Variants in DHRS4L2 observed in about 807,000 individuals in gnomAD.
DHRS4L2 encodes dehydrogenase/reductase 4 like 2, also known as dehydrogenase/reductase SDR family member 4-like 2.
A neutral mutation model predicts 23.9 loss-of-function variants in DHRS4L2; 22 were observed. The ratio of observed to expected loss-of-function variants is 0.92; its 90% CI spans 0.66 to 1.31. DHRS4L2 has a LOEUF of 1.31. DHRS4L2 is among the 40% of genes most tolerant of loss of function. The probability of loss-of-function intolerance (pLI) is 0.00; values close to 1 mark genes in which losing one functional copy is unlikely to be tolerated. For missense variants in DHRS4L2, 385 were observed against 303.3 expected (o/e 1.27, Z -2.00); for synonymous variants, 141 against 123.7 (o/e 1.14, Z -0.93).
At chr14:23,988,762 G>T (rs946189431), upstream of DHRS4L2, 3 of 1,395,104 alleles carry the variant, frequency 2.2e-6, no homozygotes, top group Middle Eastern at 2.3e-4. Context: ...TCAGGCGGAA[G>T]GTAGCTGGCT....
chr14:24,000,382 C>T (rs1429386683), intron 3 of DHRS4L2, among the ~76,000 whole-genome samples: 1 of 150,510 alleles, frequency 6.6e-6, no homozygotes, highest in Admixed American at 6.6e-5. Flanking sequence ...CCTAGCCAGA[C>T]AGTCCTTCCT....
chr14:23,997,593 A>G (rs548070281), intron 3 of DHRS4L2, among the ~76,000 whole-genome samples: 2 of 146,458 alleles, frequency 1.4e-5, no homozygotes, highest in East Asian at 4.0e-4. Context: ...CATCTTCACC[A>G]GAAATAGATT....
intron 2 of DHRS4L2, among the ~76,000 whole-genome samples, chr14:23,993,803 G>A (rs1238621040): frequency 6.6e-6 from 1 of 151,606 alleles, no homozygotes; most frequent in African/African-American, 2.4e-5. Context: ...TTAAATTCAG[G>A]CTGGTATCTT....
chr14:23,999,516 C>T (rs2034449298), intron 3 of DHRS4L2, among the ~76,000 whole-genome samples: 1 of 148,732 alleles, frequency 6.7e-6, no homozygotes, highest in African/African-American at 2.5e-5. Context: ...CACACACACA[C>T]ATTTGGGGGA....
At chr14:23,987,937 G>T (rs1039181404), upstream of DHRS4L2, among the ~76,000 whole-genome samples, 3 of 151,514 alleles carry the variant, frequency 2.0e-5, no homozygotes, top group Non-Finnish European at 2.9e-5. Context: ...CCAGGAGGGA[G>T]ATCATTTCAG....
intron 6 of DHRS4L2, 28 bp downstream of exon 6, chr14:24,001,545 T>C: frequency 3.8e-6 from 6 of 1,598,102 alleles, no homozygotes; most frequent in Non-Finnish European, 5.1e-6. Flanking sequence ...TGCATTTGAC[T>C]GGGACCCCTT....
upstream of DHRS4L2, among the ~76,000 whole-genome samples, chr14:23,986,357 G>A (rs895446489): frequency 7.9e-5 from 12 of 151,454 alleles, 1 homozygote; most frequent in South Asian, 2.1e-4. Context: ...GGGGCCTGTC[G>A]TGGGGTGCAG....
intron 1 of DHRS4L2, among the ~76,000 whole-genome samples, chr14:23,971,804 G>A (rs7146519): frequency 0.021 from 3,210 of 152,142 alleles, 121 homozygotes; most frequent in African/African-American, 0.074. Context: ...CACCAGGCCT[G>A]CCTTACAATA....
rs1566494392 is a variant in DHRS4L2 at position 23,990,210 on chromosome 14, G to A, written c.157G>A (p.Ala53Thr). ...CGGCTTCGCCATCGCCCGGCGTTTG[G>A]CCCAGGACAGGGCCCACGTGGTCGT... ...GIGFAIARRL[A>T]QDRAHVVVSS... Residue 53 changes from alanine to threonine, a missense_variant, in exon 2 of 8, where the codon GCC becomes ACC. Transcript: ENST00000335125. 2.5e-6 allele frequency: 4 copies of A among 1,612,812 alleles called. No individual in the cohort carries two copies. The highest frequency in any genetic ancestry group is 3.4e-6 in the Non-Finnish European group (4 of 1,179,360).
chr14:24,000,012 T>A lies in DHRS4L2; in HGVS notation c.409-851T>A, dbSNP rs1445947136. On this transcript the variant is annotated intron_variant, in intron 3 of 7. Transcript: ENST00000335125. ...GCCCAGCCCTGAGTTTTTTTTTTTT[T>A]AATTTACATTTTTTTATTTTTGTTC... 6.4e-5 allele frequency among the ~76,000 whole-genome samples: 9 copies of A among 140,592 alleles called. 1 individual carries two copies. Among genetic ancestry groups the A allele is most frequent in the Middle Eastern group, 7.0e-3 (2 of 286 alleles). The allele number at this position is 140,592 out of a possible 152,430, so 92.2% of individuals were successfully genotyped here.
rs2034210543 is a variant in DHRS4L2, at chr14:23,989,070, C to T, written c.123C>T (p.Thr41=). Residue 41 remains threonine (T), a synonymous_variant, in exon 1 of 8, where the codon ACC becomes ACT. Coordinates refer to ENST00000335125, the MANE Select transcript of DHRS4L2 (RefSeq NM_198083.4). The part of the protein sequence containing the change: ...TNKVALVTAS[T]DGIGFAIARR... ...AGGTGGCCCTGGTAACGGCCTCCAC[C>T]GACGGGTGAGTGTTGGTGCCGGAGT... The T allele has an allele frequency of 1.3e-6, 2 of 1,572,126 alleles. No individual in the cohort carries two copies. The highest frequency in any genetic ancestry group is 1.7e-6 in the Non-Finnish European group (2 of 1,159,028).
upstream of DHRS4L2, among the ~76,000 whole-genome samples, chr14:23,986,887 T>A (rs2138526869): frequency 6.6e-6 from 1 of 151,178 alleles, no homozygotes; most frequent in East Asian, 1.9e-4. Flanking sequence ...GCACAAGGAG[T>A]GTGGCGCTTC....
chr14:23,975,116 A>T, intron 1 of DHRS4L2, among the ~76,000 whole-genome samples: 1 of 151,762 alleles, frequency 6.6e-6, no homozygotes, highest in East Asian at 1.9e-4. Flanking sequence ...AATAAAGGGT[A>T]TTCAATTAGG....
chr14:24,004,598 C>A, intron 7 of DHRS4L2: 1 of 844,412 alleles, frequency 1.2e-6, no homozygotes, highest in Non-Finnish European at 1.9e-6. Context: ...ACAGAGACAT[C>A]GGGGTTTCAG....
upstream of DHRS4L2, chr14:23,988,767 C>T (rs1403894172): frequency 1.9e-5 from 27 of 1,399,294 alleles, no homozygotes; most frequent in Non-Finnish European, 2.5e-5. Context: ...CGGAAGGTAG[C>T]TGGCTGCGGG....
upstream of DHRS4L2, among the ~76,000 whole-genome samples, chr14:23,988,549 C>A (rs1469401585): frequency 6.6e-6 from 1 of 151,192 alleles, no homozygotes; most frequent in East Asian, 1.9e-4. Context: ...CCCAGACTTT[C>A]TTGGAGAAGG....
intron 1 of DHRS4L2, among the ~76,000 whole-genome samples, chr14:23,974,004 C>T (rs1380990060): frequency 2.0e-5 from 3 of 151,402 alleles, no homozygotes; most frequent in Non-Finnish European, 2.9e-5. Flanking sequence ...GGAAGTAAAA[C>T]ACTCCTCAGC....
chr14:23,994,545 G>C (rs751543787), intron 2 of DHRS4L2, among the ~76,000 whole-genome samples: 2 of 151,348 alleles, frequency 1.3e-5, no homozygotes, highest in Non-Finnish European at 2.9e-5. Context: ...AAAATTGCCC[G>C]GGTGTGGTGG....
intron 3 of DHRS4L2, among the ~76,000 whole-genome samples, chr14:23,999,367 A>AC (rs1252952942): frequency 0.1 from 11,738 of 116,766 alleles, 1,263 homozygotes; most frequent in Non-Finnish European, 0.13. Flanking sequence ...AAAAAAAAAA[A>AC]AAAAAAACAA....
Sources: gnomAD v4.1 joint callset for allele counts (sites outside exome capture counted in the v4.1 genomes callset) on GRCh38, gnomAD v4.1.1 for gene constraint, MANE v1.5 for transcripts, NCBI Gene and HGNC (gene_info 2026-07-23, HGNC 2026-07-21) for gene names.